Variants in HNRNPUL2 observed in about 807,000 individuals in gnomAD.
HNRNPUL2 encodes the protein heterogeneous nuclear ribonucleoprotein U-like protein 2.
A neutral mutation model predicts 102.2 loss-of-function variants in HNRNPUL2; 27 were observed. The observed-to-expected ratio is 0.26, with a 90% CI of 0.19 to 0.36. The LOEUF (loss-of-function observed/expected upper bound fraction) is 0.36, where lower values mean the gene tolerates loss of function less well. HNRNPUL2 is among the 10% of genes least tolerant of loss of function. The probability of loss-of-function intolerance (pLI) is 1.00; values close to 1 mark genes in which losing one functional copy is unlikely to be tolerated. For missense variants in HNRNPUL2, 936 were observed against 981.1 expected (o/e 0.95, Z 0.61); for synonymous variants, 458 against 387.2 (o/e 1.18, Z -2.15).
In HNRNPUL2 at chr11:62,719,737, G is replaced by A. The variant is rs570557830; in HGVS notation, c.1780+286C>T. 2.6e-5 allele frequency among the ~76,000 whole-genome samples: 4 copies of A among 152,236 alleles called. No homozygotes were observed. The East Asian group carries it at 7.7e-4, about 29-fold the overall frequency. ...CCCCAATGAGCAGTATTGAGAGGGT[G>A]GGACTTTTAATGTGATTTGGTCATG... On this transcript the variant is annotated intron_variant, in intron 10 of 13. Transcript: ENST00000301785.
At position 62,713,952 on chromosome 11, in the gene HNRNPUL2, C is replaced by T. The variant is rs1394912446; in HGVS notation, c.*1347G>A. 2 of 152,208 alleles carry T rather than the reference C, an allele frequency of 1.3e-5. No individual in the cohort carries two copies. Among genetic ancestry groups the T allele is most frequent in the Non-Finnish European group, 1.5e-5 (1 of 68,032 alleles). 9.4% of individuals were successfully genotyped at this position (152,208 alleles called of 1,614,324 possible). On this transcript the variant is annotated 3_prime_UTR_variant, in exon 14 of 14. Transcript: ENST00000301785. ...AACTGGGAGGGTATTGGTAAAGTCA[C>T]AAATGAAACTATCCCAACTGAAGGC... is the stretch of plus-strand genomic sequence containing the variant.
At position 62,722,691 on chromosome 11, in the gene HNRNPUL2, A is replaced by C; in HGVS notation, c.1005T>G (p.Gly335=). The part of the protein sequence containing the change: ...PQLGEDEFSY[G]FDGRGLKAEN... ...CTGCCTTGAGTCCTCGTCCATCGAA[A>C]CCGTAAGAGAATTCATCTTCACCTA... is the stretch of plus-strand genomic sequence containing the variant. Residue 335 remains glycine (G), a synonymous_variant, in exon 6 of 14, where the codon GGT becomes GGG. Transcript: ENST00000301785. 1 of 1,614,180 alleles carries C rather than the reference A, an allele frequency of 6.2e-7. No homozygotes were observed. The highest frequency in any genetic ancestry group is 8.5e-7 in the Non-Finnish European group (1 of 1,179,992).
At chr11:62,720,492 T>C (rs1056451288) in intron 9 of HNRNPUL2, among the ~76,000 whole-genome samples, 1 of 147,042 alleles carries the variant, frequency 6.8e-6, no homozygotes, top group Admixed American at 6.8e-5. Flanking sequence ...TGCAGTGGGC[T>C]GAGATCACGC....
At chr11:62,723,551 A>AAATG (rs758937781) in intron 4 of HNRNPUL2, 36 bp downstream of exon 4, 228 of 1,552,628 alleles carry the variant, frequency 1.5e-4, no homozygotes, top group Middle Eastern at 3.3e-4. Context: ...ATCCAGTAAT[A>AAATG]AATGAATGAA....
In HNRNPUL2 at chr11:62,720,138, G is replaced by A. The variant is rs769315106; in HGVS notation, c.1665C>T (p.Phe555=). 6.2e-7 allele frequency: 1 copy of A among 1,614,122 alleles called. No individual in the cohort carries two copies. The highest frequency in any genetic ancestry group is 8.5e-7 in the Non-Finnish European group (1 of 1,179,960). The change falls in exon 10 of 14, where the codon TTC becomes TTT. Residue 555 remains phenylalanine (F), a synonymous_variant. Transcript: ENST00000301785. ...GGACAACCACCACCACTTTCCGAGAGAAGGTCTTGAACAGCAATAGCTTCC... is the reference window on the plus strand; with the variant it reads ...GGACAACCACCACCACTTTCCGAGAAAAGGTCTTGAACAGCAATAGCTTCC... ...QRRKLLLFKT[F]SRKVVVVVPN...
Position 62,712,744 on chromosome 11 carries a change from CACAGTT to C in HNRNPUL2, c.*2549_*2554del, listed in dbSNP as rs1346012230. ...AAAAAGTTACAGATGTAAACAATGA[CACAGTT>C]ACATTTTTTTTTTAAATGGTAAAAC... On this transcript the variant is annotated 3_prime_UTR_variant, in exon 14 of 14. Coordinates refer to ENST00000301785, the MANE Select transcript of HNRNPUL2 (RefSeq NM_001079559.3). The C allele has an allele frequency of 6.6e-6, 1 of 152,080 alleles. No homozygotes were observed. Among genetic ancestry groups the C allele is most frequent in the Admixed American group, 6.6e-5 (1 of 15,262 alleles). 9.4% of individuals were successfully genotyped at this position (152,080 alleles called of 1,614,324 possible).
In HNRNPUL2 at chr11:62,727,161, G is replaced by GCCGCCGCCTCCTCCGCCTC. The variant is rs953924140; in HGVS notation, c.-24_-6dup. The GCCGCCGCCTCCTCCGCCTC allele has an allele frequency of 6.7e-5, 95 of 1,427,888 alleles. No individual in the cohort carries two copies. The highest frequency in any genetic ancestry group is 4.5e-4 in the Middle Eastern group (2 of 4,446). 88.5% of individuals were successfully genotyped at this position (1,427,888 alleles called of 1,614,324 possible). A position where few individuals can be genotyped will look rare whatever the true frequency, so the allele number is the denominator to read the frequency against. The stretch of plus-strand genomic sequence containing the variant: ...TTTCAGCCGCTTCACCTCCATCGCC[G>GCCGCCGCCTCCTCCGCCTC]CCGCCGCCTCCTCCGCCTCCCGCCG... On this transcript the variant is annotated 5_prime_UTR_variant, in exon 1 of 14. Coordinates refer to ENST00000301785, the MANE Select transcript of HNRNPUL2 (RefSeq NM_001079559.3).
In HNRNPUL2 at chr11:62,724,445, GA is replaced by G. The variant is rs1565163584; in HGVS notation, c.539-20del. ...TCATCTCCTACAAAAACGAGGGAAA[GA>G]AAATCAGCAGTTTTCATACTGGAGT... On this transcript the variant is annotated intron_variant, in intron 1 of 13. Transcript: ENST00000301785. The G allele has an allele frequency of 6.2e-7, 1 of 1,614,076 alleles. No homozygotes were observed. The highest frequency in any genetic ancestry group is 1.1e-5 in the South Asian group (1 of 91,084).
chr11:62,727,454 C>G lies in HNRNPUL2; in HGVS notation c.-298G>C. The G allele has an allele frequency of 3.7e-6, 1 of 271,602 alleles. No individual in the cohort carries two copies. The allele number at this position is 271,602 out of a possible 1,614,324, so 16.8% of individuals were successfully genotyped here. A position where few individuals can be genotyped will look rare whatever the true frequency, so the allele number is the denominator to read the frequency against. Reference sequence around the variant, plus strand: ...GCCGCGGGCAGGCGCGCGCGGAGGACGACGGAGTTCCTCCCGCTTCCTCCC... The same window carrying G: ...GCCGCGGGCAGGCGCGCGCGGAGGAGGACGGAGTTCCTCCCGCTTCCTCCC... On this transcript the variant is annotated 5_prime_UTR_variant, in exon 1 of 14. Transcript: ENST00000301785.
chr11:62,715,627 A>T lies in HNRNPUL2; in HGVS notation c.2056-20T>A. 1 of 1,577,464 alleles carries T rather than the reference A, an allele frequency of 6.3e-7. No individual in the cohort carries two copies. The highest frequency in any genetic ancestry group is 8.7e-7 in the Non-Finnish European group (1 of 1,146,840). On this transcript the variant is annotated intron_variant, in intron 12 of 13. Transcript: ENST00000301785. ...GTAACCCTGAGAAAGGAAAAGAAAA[A>T]GGAGTGAAGGTTTATGGGTTTTTGG...
chr11:62,716,036 G>A (rs1019780851), intron 11 of HNRNPUL2, 99 bp from the exon 12 acceptor site: 1 of 825,238 alleles, frequency 1.2e-6, no homozygotes, highest in Non-Finnish European at 1.9e-6. Context: ...GCAATTCTGG[G>A]GGAATATGAG....
At chr11:62,724,803 C>G (rs2083731591) in intron 1 of HNRNPUL2, among the ~76,000 whole-genome samples, 1 of 152,226 alleles carries the variant, frequency 6.6e-6, no homozygotes, top group African/African-American at 2.4e-5. Context: ...CTTGTCAGAT[C>G]TAGATTTAAG....
At chr11:62,723,334 A>G (rs1200006872) in intron 4 of HNRNPUL2, among the ~76,000 whole-genome samples, 1 of 152,128 alleles carries the variant, frequency 6.6e-6, no homozygotes, top group Admixed American at 6.6e-5. Flanking sequence ...TCTACTAAGA[A>G]TACAAAATTA....
intron 1 of HNRNPUL2, among the ~76,000 whole-genome samples, chr11:62,725,801 G>A (rs975438287): frequency 6.6e-6 from 1 of 152,146 alleles, no homozygotes; most frequent in Non-Finnish European, 1.5e-5. Context: ...TCCCTGGGGC[G>A]ATTCTACAAC....
intron 10 of HNRNPUL2, among the ~76,000 whole-genome samples, chr11:62,718,382 C>A (rs2083675950): frequency 6.6e-6 from 1 of 152,108 alleles, no homozygotes; most frequent in Non-Finnish European, 1.5e-5. Flanking sequence ...ACTCCAACTG[C>A]CATATTTTAA....
At position 62,714,098 on chromosome 11, in the gene HNRNPUL2, C is replaced by T. The variant is rs752417125; in HGVS notation, c.*1201G>A. The T allele has an allele frequency of 2.0e-5, 3 of 152,080 alleles. No individual in the cohort carries two copies. The highest frequency in any genetic ancestry group is 2.9e-5 in the Non-Finnish European group (2 of 68,028). The allele number at this position is 152,080 out of a possible 1,614,324, so 9.4% of individuals were successfully genotyped here. On this transcript the variant is annotated 3_prime_UTR_variant, in exon 14 of 14. Transcript: ENST00000301785. ...ACATTTACACACGTTCACACTCACA[C>T]TCTTCCCAAGGTTCAGCAGCCCCAC...
intron 9 of HNRNPUL2, among the ~76,000 whole-genome samples, chr11:62,720,600 T>C (rs1347486109): frequency 1.4e-5 from 2 of 144,158 alleles, no homozygotes; most frequent in Non-Finnish European, 3.0e-5. Flanking sequence ...CTCACGCCTA[T>C]AATCCTGTTA....
chr11:62,723,801 G>A, intron 3 of HNRNPUL2, 75 bp from the exon 4 acceptor site: 2 of 1,602,836 alleles, frequency 1.2e-6, no homozygotes, highest in Non-Finnish European at 1.7e-6. Context: ...AAGTATACCA[G>A]TTGTTGTAGT....
chr11:62,718,378 A>G (rs1162540444), intron 10 of HNRNPUL2, among the ~76,000 whole-genome samples: 1 of 152,148 alleles, frequency 6.6e-6, no homozygotes, highest in Non-Finnish European at 1.5e-5. Flanking sequence ...ATTCACTCCA[A>G]CTGCCATATT....
Sources: allele counts gnomAD v4.1 joint callset (sites outside exome capture counted in the v4.1 genomes callset), GRCh38; gene constraint gnomAD v4.1.1; transcripts MANE v1.5; gene names NCBI Gene and HGNC (gene_info 2026-07-23, HGNC 2026-07-21).